Variants in DOCK11 observed in about 807,000 individuals in gnomAD.
The protein encoded by DOCK11 is dedicator of cytokinesis 11.
In DOCK11, 70 loss-of-function variants were observed where a neutral mutation model predicts 169.1. The ratio of observed to expected loss-of-function variants is 0.41; its 90% CI spans 0.34 to 0.51. The LOEUF is 0.51. Ranked by LOEUF, DOCK11 falls within the 20% of genes least tolerant of loss-of-function variation. The pLI is 0.10. For missense variants in DOCK11, 1,166 were observed against 1,538.8 expected, an observed-to-expected ratio of 0.76 and a Z score of 4.05; for synonymous variants, 529 against 541.3, an observed-to-expected ratio of 0.98 and a Z score of 0.32.
At chrX:118,505,004 G>A (rs1036127981) in intron 1 of DOCK11, among the ~76,000 whole-genome samples, 1 of 112,433 alleles carries the variant, frequency 8.9e-6, no homozygotes, top group Admixed American at 9.4e-5. Context: ...GGGGCTTGTT[G>A]AAAGGCTTAA....
chrX:118,584,405 T>C (rs1398673960), intron 14 of DOCK11, among the ~76,000 whole-genome samples: 1 of 107,244 alleles, frequency 9.3e-6, no homozygotes. Flanking sequence ...TCCCATTGCG[T>C]GAATATACAG....
chrX:118,675,030 T>C (rs1047934935), intron 46 of DOCK11, among the ~76,000 whole-genome samples: 1 of 111,869 alleles, frequency 8.9e-6, no homozygotes, highest in African/African-American at 3.3e-5. Context: ...GCATATATTT[T>C]GTTGTTGAGT....
At chrX:118,675,636 G>A (rs1032749593) in intron 46 of DOCK11, among the ~76,000 whole-genome samples, 1 of 109,644 alleles carries the variant, frequency 9.1e-6, no homozygotes. Flanking sequence ...AGCAAACCAC[G>A]ATGACACACA....
At chrX:118,554,127 C>G (rs896232349) in intron 6 of DOCK11, among the ~76,000 whole-genome samples, 2 of 111,785 alleles carry the variant, frequency 1.8e-5, no homozygotes, top group Non-Finnish European at 3.8e-5. Flanking sequence ...CTCAGGCTCC[C>G]AAGTACCTGA....
intron 14 of DOCK11, among the ~76,000 whole-genome samples, chrX:118,583,567 G>A (rs985674360): frequency 1.4e-4 from 16 of 110,735 alleles, no homozygotes; most frequent in African/African-American, 5.3e-4. Context: ...TGTTGGGTGC[G>A]TGTATATTGT....
At position 118,586,377 on chromosome X, in the gene DOCK11, G is replaced by A. The variant is rs111573044; in HGVS notation, c.1795+1260G>A. Among the ~76,000 whole-genome samples, 274 of 111,132 alleles carry A rather than the reference G, an allele frequency of 2.5e-3. 1 individual carries two copies. Among genetic ancestry groups the A allele is most frequent in the African/African-American group, 8.3e-3 (253 of 30,575 alleles). ...TCGTGGCAGAAGGGGAAGCAGGCAC[G>A]TCTTTTGTGGTGGCAGGCGAGATAA... is the stretch of plus-strand genomic sequence containing the variant. On this transcript the variant is annotated intron_variant, in intron 16 of 52. Coordinates refer to ENST00000276202, the MANE Select transcript of DOCK11 (RefSeq NM_144658.4).
intron 45 of DOCK11, among the ~76,000 whole-genome samples, chrX:118,668,757 T>C (rs2016397738): frequency 1.8e-5 from 2 of 111,292 alleles, no homozygotes; most frequent in Admixed American, 9.6e-5. Context: ...ATGTGTAGTG[T>C]CTTGCCTACC....
chrX:118,626,324 G>C (rs2015103612), intron 32 of DOCK11, among the ~76,000 whole-genome samples: 1 of 110,884 alleles, frequency 9.0e-6, no homozygotes, highest in African/African-American at 3.3e-5. Context: ...GCCTGCCTCA[G>C]CCTCCCAAAG....
chrX:118,671,019 G>T lies in DOCK11; in HGVS notation c.5077-4G>T. 1 of 1,177,285 alleles carries T rather than the reference G, an allele frequency of 8.5e-7. No individual in the cohort carries two copies. The highest frequency in any genetic ancestry group is 1.1e-6 in the Non-Finnish European group (1 of 875,419). Reference sequence around the variant, plus strand: ...TTCCTAATTGGATTTTTCTCTTAATGCAGGAGGTCTTGCTGGAGTTGCTAG... The same window carrying T: ...TTCCTAATTGGATTTTTCTCTTAATTCAGGAGGTCTTGCTGGAGTTGCTAG... On this transcript the variant is annotated splice_polypyrimidine_tract_variant and splice_region_variant and intron_variant, in intron 45 of 52. Coordinates refer to ENST00000276202, the MANE Select transcript of DOCK11 (RefSeq NM_144658.4).
At position 118,679,918 on chromosome X, in the gene DOCK11, A is replaced by ATTT. The variant is rs55756738; in HGVS notation, c.5461-541_5461-539dup. On this transcript the variant is annotated intron_variant, in intron 48 of 52. Coordinates refer to ENST00000276202, the MANE Select transcript of DOCK11 (RefSeq NM_144658.4). The stretch of plus-strand genomic sequence containing the variant: ...ATTGCTGGGTAGTAGGATTACAGTA[A>ATTT]TTTTTTTTTTTTTTTTTTTTTTTTT... Among the ~76,000 whole-genome samples, 64 of 55,408 alleles carry ATTT rather than the reference A, an allele frequency of 1.2e-3. 1 individual carries two copies. The highest frequency in any genetic ancestry group is 4.0e-3 in the African/African-American group (47 of 11,608). The allele number at this position is 55,408 out of a possible 115,157, so 48.1% of individuals were successfully genotyped here.
At chrX:118,618,175 T>TA (rs1387773925) in intron 30 of DOCK11, among the ~76,000 whole-genome samples, 2 of 112,075 alleles carry the variant, frequency 1.8e-5, no homozygotes, top group African/African-American at 6.5e-5. Flanking sequence ...TTTTTCAAAT[T>TA]TATAGTTGTG....
rs910987786 is a variant in DOCK11, at chrX:118,552,581, A to T, written c.558+6465A>T. Among the ~76,000 whole-genome samples, 13 of 112,774 alleles carry T rather than the reference A, an allele frequency of 1.2e-4. No homozygotes were observed. The Admixed American group carries it at 1.2e-3, about 11-fold the overall frequency. ...AGAAGTGCTTGCTGAGTATAACCTC[A>T]TTGTTGGCTGAGAAACTTGCCCTGA... On this transcript the variant is annotated intron_variant, in intron 6 of 52. Transcript: ENST00000276202.
intron 1 of DOCK11, among the ~76,000 whole-genome samples, chrX:118,530,794 C>T (rs2011504991): frequency 8.9e-6 from 1 of 112,315 alleles, no homozygotes; most frequent in Non-Finnish European, 1.9e-5. Flanking sequence ...CTCTCTCTCC[C>T]TCTAGCCCAT....
chrX:118,572,325 G>T lies in DOCK11; in HGVS notation c.1038G>T (p.Arg346Ser). Residue 346 changes from arginine (R) to serine (S), a missense_variant and splice_region_variant, in exon 11 of 53, where the codon AGG becomes AGT. Coordinates refer to ENST00000276202, the MANE Select transcript of DOCK11 (RefSeq NM_144658.4). ...GATTCATACTATCTCTTTTATAGAG[G>T]TTGGACTTTTCAGGAATTGAACCTG... Reference protein sequence around the residue: ...NLFSFDSEVQRLDFSGIEPDI... With the variant: ...NLFSFDSEVQSLDFSGIEPDI... 8.4e-7 allele frequency: 1 copy of T among 1,186,799 alleles called. No individual in the cohort carries two copies.
intron 14 of DOCK11, among the ~76,000 whole-genome samples, chrX:118,583,474 A>G (rs374216600): frequency 2.7e-5 from 3 of 110,940 alleles, no homozygotes; most frequent in East Asian, 5.7e-4. Context: ...AAGTAGGAAC[A>G]ATGGAGTTAA....
intron 1 of DOCK11, among the ~76,000 whole-genome samples, chrX:118,538,165 G>A (rs1467455429): frequency 4.5e-5 from 5 of 112,080 alleles, no homozygotes; most frequent in East Asian, 2.8e-4. Context: ...AATACAGATG[G>A]TGTGGCAAAT....
At position 118,641,220 on chromosome X, in the gene DOCK11, A is replaced by G. The variant is rs2015525175; in HGVS notation, c.4175A>G (p.His1392Arg). 8.3e-7 allele frequency: 1 copy of G among 1,208,214 alleles called. No homozygotes were observed. The highest frequency in any genetic ancestry group is 1.1e-6 in the Non-Finnish European group (1 of 893,542). The part of the protein sequence containing the change: ...SSTTTEADIF[H>R]QALLEGNTAT... ...ACAACAACTGAAGCAGACATTTTCC[A>G]CCAGGCACTTCTTGAAGGCAATACA... Residue 1392 changes from histidine to arginine, a missense_variant, in exon 39 of 53, where the codon CAC becomes CGC. Transcript: ENST00000276202.
intron 16 of DOCK11, among the ~76,000 whole-genome samples, chrX:118,585,744 T>G (rs2013797594): frequency 9.1e-6 from 1 of 110,096 alleles, no homozygotes; most frequent in South Asian, 3.9e-4. Flanking sequence ...CTTTTGCCTT[T>G]GGTAACTTTT....
At chrX:118,525,673 G>A (rs1485470340) in intron 1 of DOCK11, among the ~76,000 whole-genome samples, 1 of 111,180 alleles carries the variant, frequency 9.0e-6, no homozygotes, top group African/African-American at 3.3e-5. Context: ...TATACTTAAC[G>A]AAGTATATAC....
Sources: gnomAD v4.1 joint callset for allele counts (sites outside exome capture counted in the v4.1 genomes callset) on GRCh38, gnomAD v4.1.1 for gene constraint, MANE v1.5 for transcripts, NCBI Gene and HGNC (gene_info 2026-07-23, HGNC 2026-07-21) for gene names.